Variants in SH3YL1 observed in about 807,000 individuals in gnomAD.
SH3YL1 encodes SH3 domain-containing YSC84-like protein 1.
SH3YL1 carries 41 observed loss-of-function variants against 45.8 expected under a neutral mutation model. That is an observed-to-expected ratio of 0.89 (90% confidence interval 0.70 to 1.16). The LOEUF (loss-of-function observed/expected upper bound fraction) is 1.16, where lower values mean the gene tolerates loss of function less well. SH3YL1 is among the 50% of genes most tolerant of loss of function. SH3YL1 has a pLI of 0.00. For synonymous variants in SH3YL1, 152 were observed against 151.4 expected (o/e 1.00, Z -0.03); for missense variants, 389 against 409.6 (o/e 0.95, Z 0.43).
intron 4 of SH3YL1, chr2:241,177 GAA>G (rs1668527869): frequency 6.6e-6 from 1 of 152,064 alleles, no homozygotes; most frequent in African/African-American, 2.4e-5. Flanking sequence ...CGTACAATGA[GAA>G]TATCTTATTG....
chr2:247,366 G>C (rs1284883978), intron 4 of SH3YL1, among the ~76,000 whole-genome samples, 172 bp downstream of exon 4: 3 of 152,114 alleles, frequency 2.0e-5, no homozygotes, highest in Non-Finnish European at 4.4e-5. Context: ...AAGTAAATGG[G>C]AACCATCAGA....
intron 8 of SH3YL1, among the ~76,000 whole-genome samples, chr2:227,215 T>C (rs1174137658): frequency 6.6e-6 from 1 of 152,128 alleles, no homozygotes; most frequent in Non-Finnish European, 1.5e-5. Context: ...GGGGAAATGG[T>C]TGATGAGACT....
At chr2:257,506 A>G (rs1470406376) in intron 1 of SH3YL1, among the ~76,000 whole-genome samples, 1 of 152,238 alleles carries the variant, frequency 6.6e-6, no homozygotes, top group Non-Finnish European at 1.5e-5. Flanking sequence ...ATCTGTAACA[A>G]TAGCTCAGTC....
At chr2:220,528 C>T (rs1026615833) in intron 9 of SH3YL1, among the ~76,000 whole-genome samples, 1 of 152,104 alleles carries the variant, frequency 6.6e-6, no homozygotes, top group Admixed American at 6.5e-5. Context: ...AGTCTAGAAA[C>T]AACAGAAGTT....
intron 4 of SH3YL1, among the ~76,000 whole-genome samples, chr2:236,742 T>C (rs1301686633): frequency 6.6e-6 from 1 of 152,194 alleles, no homozygotes; most frequent in Non-Finnish European, 1.5e-5. Flanking sequence ...TTTAATCAAA[T>C]CAATGCTCTC....
chr2:224,790 G>T lies in SH3YL1; in HGVS notation c.838+74C>A. The T allele has an allele frequency of 3.7e-6, 4 of 1,087,134 alleles. No individual in the cohort carries two copies. The East Asian group carries it at 9.4e-5, about 26-fold the overall frequency. 67.3% of individuals were successfully genotyped at this position (1,087,134 alleles called of 1,614,324 possible). ...CACTTCCCAGAGATTTTCATAACCT[G>T]TCAGATTAATTAGGAAGTTTGTGAT... On this transcript the variant is annotated intron_variant, in intron 9 of 9. Transcript: ENST00000356150.
At position 242,787 on chromosome 2, in the gene SH3YL1, T is replaced by C. The variant is rs1053060208; in HGVS notation, c.291+4751A>G. ...TGCTCCATAGGAGACACGCTTTAGA[T>C]TCAAAGTTACCATTAGATTGACAGT... is the stretch of plus-strand genomic sequence containing the variant. On this transcript the variant is annotated intron_variant, in intron 4 of 9. Coordinates refer to ENST00000356150, the MANE Select transcript of SH3YL1 (RefSeq NM_015677.4). The C allele has an allele frequency of 6.4e-5, 99 of 1,537,448 alleles. 1 individual carries two copies. In the Admixed American group the frequency reaches 2.0e-3, roughly 30 times the overall value.
chr2:238,825 T>C (rs1394247120), intron 4 of SH3YL1, among the ~76,000 whole-genome samples: 1 of 152,170 alleles, frequency 6.6e-6, no homozygotes, highest in African/African-American at 2.4e-5. Context: ...CCACAAAAAC[T>C]TCCCCCTCCC....
intron 8 of SH3YL1, among the ~76,000 whole-genome samples, chr2:228,163 G>A (rs534611018): frequency 2.6e-5 from 4 of 152,294 alleles, no homozygotes; most frequent in East Asian, 1.9e-4. Context: ...CGAGTGTGTC[G>A]AGTGAGGCTG....
intron 4 of SH3YL1, among the ~76,000 whole-genome samples, chr2:247,147 A>C (rs1364374385): frequency 6.6e-6 from 1 of 152,202 alleles, no homozygotes; most frequent in Non-Finnish European, 1.5e-5. Context: ...CATATGTTAC[A>C]AAACTGGATT....
At chr2:233,421 A>G (rs1401362780) in intron 5 of SH3YL1, among the ~76,000 whole-genome samples, 192 bp from the exon 6 acceptor site, 1 of 152,198 alleles carries the variant, frequency 6.6e-6, no homozygotes, top group East Asian at 1.9e-4. Flanking sequence ...AGGCCGGGGG[A>G]AGAACATACA....
chr2:238,487 G>A (rs1020570590), intron 4 of SH3YL1, among the ~76,000 whole-genome samples: 2 of 152,072 alleles, frequency 1.3e-5, no homozygotes, highest in African/African-American at 4.8e-5. Context: ...TTCCTCTTCA[G>A]TAAAGTGAAA....
rs555446003 is a variant in SH3YL1, at chr2:229,716, G to A, written c.781+250C>T. Among the ~76,000 whole-genome samples the A allele has an allele frequency of 7.6e-5, 9 of 117,860 alleles. No homozygotes were observed. In the East Asian group the frequency reaches 1.1e-3, roughly 14 times the overall value. The allele number at this position is 117,860 out of a possible 152,430, so 77.3% of individuals were successfully genotyped here. ...TGCACTCCAGCCTGGGCGACAGAGCGAGACTCCGTCTCAAAAAAAAAAAAA... is the reference window on the plus strand; with the variant it reads ...TGCACTCCAGCCTGGGCGACAGAGCAAGACTCCGTCTCAAAAAAAAAAAAA... On this transcript the variant is annotated intron_variant, in intron 8 of 9. Coordinates refer to ENST00000356150, the MANE Select transcript of SH3YL1 (RefSeq NM_015677.4).
Position 233,187 on chromosome 2 carries a change from G to C in SH3YL1, c.447C>G (p.Val149=), listed in dbSNP as rs1227676337. 4 of 1,594,066 alleles carry C rather than the reference G, an allele frequency of 2.5e-6. No individual in the cohort carries two copies. The highest frequency in any genetic ancestry group is 2.6e-6 in the Non-Finnish European group (3 of 1,168,538). The change falls in exon 6 of 10, where the codon GTC becomes GTG. Residue 149 remains valine (V), a synonymous_variant. Transcript: ENST00000356150. Reference sequence around the variant, plus strand: ...GTCCCCTTGACTTGCAGTACGTGAAGACGGCAGCGGAGCTTCTCAGGGCCA... The same window carrying C: ...GTCCCCTTGACTTGCAGTACGTGAACACGGCAGCGGAGCTTCTCAGGGCCA... ...GNVALRSSAA[V]FTYCKSRGLF...
rs550811033 is a variant in SH3YL1, at chr2:234,177, C to T, written c.387G>A (p.Ala129=). 155 of 1,613,596 alleles carry T rather than the reference C, an allele frequency of 9.6e-5. No individual in the cohort carries two copies. The highest frequency in any genetic ancestry group is 1.3e-4 in the Non-Finnish European group (152 of 1,179,824). Residue 129 remains alanine (A), a synonymous_variant, in exon 5 of 10, where the codon GCG becomes GCA. Transcript: ENST00000356150. ...GAACTCACCTTCCCAAGGGCCCAAC[C>T]GCCACAGTCAAGTTCCCTCCGAGGG... ...NLTLGGNLTV[A]VGPLGRNLEG...
At chr2:238,043 C>G (rs889606290) in intron 4 of SH3YL1, among the ~76,000 whole-genome samples, 16 of 152,154 alleles carry the variant, frequency 1.1e-4, no homozygotes, top group African/African-American at 3.9e-4. Flanking sequence ...ACCCACACAG[C>G]TGAGTCCCGG....
chr2:236,193 GGCA>G (rs199778743), intron 4 of SH3YL1, among the ~76,000 whole-genome samples: 94 of 43,136 alleles, frequency 2.2e-3, no homozygotes, highest in East Asian at 5.6e-3. Flanking sequence ...GGCCAGGGGA[GGCA>G]GCAGCATGGG....
chr2:247,486 T>C, intron 4 of SH3YL1, 52 bp downstream of exon 4: 1 of 1,403,094 alleles, frequency 7.1e-7, no homozygotes, highest in Non-Finnish European at 9.8e-7. Flanking sequence ...GGTTGCATCT[T>C]AGGTGTCTTC....
intron 4 of SH3YL1, chr2:243,674 C>A: frequency 8.2e-7 from 1 of 1,222,032 alleles, no homozygotes; most frequent in Non-Finnish European, 1.1e-6. Flanking sequence ...CTTTCCCCTT[C>A]TTTCCCTTAG....
Sources: allele counts gnomAD v4.1 joint callset (sites outside exome capture counted in the v4.1 genomes callset), GRCh38; gene constraint gnomAD v4.1.1; transcripts MANE v1.5; gene names NCBI Gene and HGNC (gene_info 2026-07-23, HGNC 2026-07-21).